The following CSMD2 variants were observed in gnomAD, a reference collection of about 807,000 sequenced individuals.
CSMD2 encodes CUB and sushi domain-containing protein 2.
A neutral mutation model predicts 398.5 loss-of-function variants in CSMD2; 130 were observed. The ratio of observed to expected loss-of-function variants is 0.33; its 90% CI spans 0.28 to 0.38. The LOEUF (loss-of-function observed/expected upper bound fraction) is 0.38, where lower values mean the gene tolerates loss of function less well. Ranked by LOEUF, CSMD2 falls within the 10% of genes least tolerant of loss-of-function variation. The probability of loss-of-function intolerance (pLI) is 1.00; values close to 1 mark genes in which losing one functional copy is unlikely to be tolerated. For synonymous variants in CSMD2, 1,828 were observed against 1,908.5 expected (o/e 0.96, Z 1.10); for missense variants, 3,829 against 4,764.9 (o/e 0.80, Z 5.78).
rs1645501579 is a variant in CSMD2, at chr1:33,964,839, T to C, written c.518-28885A>G. 2.6e-5 allele frequency among the ~76,000 whole-genome samples: 4 copies of C among 152,234 alleles called. No individual in the cohort carries two copies. In the South Asian group the frequency reaches 8.3e-4, roughly 31 times the overall value. ...CCTGACTCTCCCCTTAACTATCAGC[T>C]GAGTGACTGGGGACACATCACTGGA... On this transcript the variant is annotated intron_variant, in intron 3 of 70. Transcript: ENST00000373381.
intron 3 of CSMD2, among the ~76,000 whole-genome samples, chr1:33,942,184 C>T (rs1558138407): frequency 6.6e-6 from 1 of 152,214 alleles, no homozygotes; most frequent in Non-Finnish European, 1.5e-5. Context: ...GAGCATTTAT[C>T]CAAGGCCACG....
chr1:33,704,977 T>A (rs1645728250), intron 22 of CSMD2, among the ~76,000 whole-genome samples: 1 of 151,950 alleles, frequency 6.6e-6, no homozygotes, highest in Admixed American at 6.6e-5. Flanking sequence ...TTTCACTGTA[T>A]TAACCAGGAT....
chr1:33,775,795 T>C (rs1409868972), intron 12 of CSMD2, among the ~76,000 whole-genome samples: 1 of 152,084 alleles, frequency 6.6e-6, no homozygotes, highest in African/African-American at 2.4e-5. Flanking sequence ...AAGGATGAAA[T>C]TACCCAAGGA....
At chr1:33,803,835 T>A (rs1655903854) in intron 10 of CSMD2, among the ~76,000 whole-genome samples, 1 of 152,242 alleles carries the variant, frequency 6.6e-6, no homozygotes, top group Non-Finnish European at 1.5e-5. Flanking sequence ...ATCTTCCTGC[T>A]ATTGCTTTAG....
In CSMD2 at chr1:33,810,861, C is replaced by T. The variant is rs61771030; in HGVS notation, c.1328G>A (p.Arg443His). The T allele has an allele frequency of 1.4e-5, 23 of 1,610,852 alleles. No individual in the cohort carries two copies. The Middle Eastern group carries it at 5.2e-4, about 36-fold the overall frequency. Residue 443 changes from arginine to histidine, a missense_variant, in exon 10 of 71, where the codon CGC becomes CAC. Around this residue, in one of 5 missense-constraint regions of CSMD2, gnomAD observed 2,001 missense variants for 2,567.1 expected, o/e 0.78. Coordinates refer to ENST00000373381, the MANE Select transcript of CSMD2 (RefSeq NM_001281956.2). Reference protein sequence around the residue: ...WSDHRPVCRARMCDAHLRGPS... With the variant: ...WSDHRPVCRAHMCDAHLRGPS... ...GCCTCGAAGGTGGGCATCACACATGCGGGCTGCAGAGGAGATGAAAGACAA... is the reference window on the plus strand; with the variant it reads ...GCCTCGAAGGTGGGCATCACACATGTGGGCTGCAGAGGAGATGAAAGACAA...
At position 33,716,271 on chromosome 1, in the gene CSMD2, C is replaced by A; in HGVS notation, c.3217+15G>T. The stretch of plus-strand genomic sequence containing the variant: ...ACCATGGTCTCTTCCCCTCAGGGAC[C>A]CTCATACTCTTTACCTGAGAAGGTG... On this transcript the variant is annotated intron_variant, in intron 20 of 70. Coordinates refer to ENST00000373381, the MANE Select transcript of CSMD2 (RefSeq NM_001281956.2). 1 of 1,601,814 alleles carries A rather than the reference C, an allele frequency of 6.2e-7. No individual in the cohort carries two copies. The highest frequency in any genetic ancestry group is 8.6e-7 in the Non-Finnish European group (1 of 1,169,056).
intron 2 of CSMD2, among the ~76,000 whole-genome samples, chr1:34,061,813 G>A (rs1315983311): frequency 6.6e-6 from 1 of 152,104 alleles, no homozygotes; most frequent in Non-Finnish European, 1.5e-5. Flanking sequence ...ACACACAAAG[G>A]CACAGGCTTC....
chr1:33,838,897 G>C (rs747725154), intron 6 of CSMD2: 1 of 152,720 alleles, frequency 6.5e-6, no homozygotes, highest in Non-Finnish European at 1.5e-5. Flanking sequence ...AGGCTTGGTA[G>C]AGATTAGCAA....
At chr1:34,013,557 GC>G (rs1647666786) in intron 3 of CSMD2, among the ~76,000 whole-genome samples, 1 of 152,134 alleles carries the variant, frequency 6.6e-6, no homozygotes, top group African/African-American at 2.4e-5. Flanking sequence ...GGTCTCCTTT[GC>G]CAGGGGCGGT....
At chr1:34,026,654 T>C (rs576401058) in intron 3 of CSMD2, among the ~76,000 whole-genome samples, 38 of 152,342 alleles carry the variant, frequency 2.5e-4, no homozygotes, top group Middle Eastern at 3.4e-3. Flanking sequence ...GCATTTCTGA[T>C]CTGCCCATCA....
rs1642615266 is a variant in CSMD2 at position 33,633,731 on chromosome 1, G to T, written c.5087-196C>A. ...GACACCCGGCACAGGGAGGCGGGGA[G>T]CTGGGAAGGCCGGGCTGGCCTTCAC... On this transcript the variant is annotated intron_variant, in intron 31 of 70. Transcript: ENST00000373381. The surrounding 1 kb of genome is among the most constrained non-coding windows in gnomAD (Gnocchi z 5.0). 6.6e-6 allele frequency among the ~76,000 whole-genome samples: 1 copy of T among 152,208 alleles called. No homozygotes were observed. Among genetic ancestry groups the T allele is most frequent in the African/African-American group, 2.4e-5 (1 of 41,456 alleles).
At chr1:33,795,983 T>A (rs1262771077) in intron 10 of CSMD2, among the ~76,000 whole-genome samples, 1 of 152,246 alleles carries the variant, frequency 6.6e-6, no homozygotes, top group East Asian at 1.9e-4. Flanking sequence ...TATTTCCCCC[T>A]TTGTGTGTCA....
At chr1:33,693,125 C>T in intron 24 of CSMD2, 69 bp from the exon 25 acceptor site, 1 of 1,503,272 alleles carries the variant, frequency 6.7e-7, no homozygotes, top group Non-Finnish European at 8.8e-7. Flanking sequence ...TCAGTGGCTC[C>T]TTTTGCCTGT....
intron 41 of CSMD2, among the ~76,000 whole-genome samples, chr1:33,608,291 T>C (rs1253083483): frequency 6.6e-6 from 1 of 152,198 alleles, no homozygotes; most frequent in African/African-American, 2.4e-5. Flanking sequence ...AGCGAGTGGC[T>C]GGTCCCATCA....
chr1:33,876,278 C>T (rs143261615), intron 5 of CSMD2, among the ~76,000 whole-genome samples: 1 of 152,306 alleles, frequency 6.6e-6, no homozygotes, highest in East Asian at 1.9e-4. Context: ...ATGAGGGGAA[C>T]TGGTCAAGAG....
chr1:34,027,332 A>C (rs1331481886), intron 3 of CSMD2, among the ~76,000 whole-genome samples: 1 of 152,164 alleles, frequency 6.6e-6, no homozygotes, highest in Non-Finnish European at 1.5e-5. Flanking sequence ...ATGGGATGTC[A>C]TTTTCCACCC....
chr1:33,521,470 T>A lies in CSMD2; in HGVS notation c.10590A>T (p.Gln3530His). The stretch of plus-strand genomic sequence containing the variant: ...GGGACAAGCACTAGTTACCCAGTCT[T>A]TGAAAGCCGAACTGCCCAAAGCCTT... Reference protein sequence around the residue: ...KGQGFGQFGFQRLDLRLLESD... With the variant: ...KGQGFGQFGFHRLDLRLLESD... The change falls in exon 68 of 71, where the codon CAA (glutamine) becomes CAT (histidine). Residue 3530 changes from glutamine to histidine, a missense_variant. By Grantham distance (24) the Gln-to-His change is conservative. This residue lies in a region of CSMD2 where 917 missense variants were observed against 1,199.5 expected (regional missense o/e 0.76). Coordinates refer to ENST00000373381, the MANE Select transcript of CSMD2 (RefSeq NM_001281956.2). The A allele has an allele frequency of 1.2e-6, 2 of 1,608,102 alleles. No homozygotes were observed. The highest frequency in any genetic ancestry group is 1.7e-6 in the Non-Finnish European group (2 of 1,174,542).
chr1:34,033,850 A>G (rs1650770840), intron 2 of CSMD2, among the ~76,000 whole-genome samples: 1 of 152,200 alleles, frequency 6.6e-6, no homozygotes, highest in Admixed American at 6.5e-5. Context: ...TTGTTAACAG[A>G]CACTGTGAAA....
Position 33,519,413 on chromosome 1 carries a change from G to T in CSMD2, c.*53+52C>A. ...TTGGGTGGAGCCCCTGGCACGCATA[G>T]GTCCCTGTCTGTGCTTGTCATGGCC... On this transcript the variant is annotated intron_variant, in intron 70 of 70. Coordinates refer to ENST00000373381, the MANE Select transcript of CSMD2 (RefSeq NM_001281956.2). This position sits in a 1 kb window ranked among gnomAD's most constrained non-coding sequence, Gnocchi z 5.6. 1.7e-6 allele frequency: 2 copies of T among 1,177,178 alleles called. No homozygotes were observed. The highest frequency in any genetic ancestry group is 2.5e-6 in the Non-Finnish European group (2 of 810,520). The allele number at this position is 1,177,178 out of a possible 1,614,324, so 72.9% of individuals were successfully genotyped here.
Sources: gnomAD v4.1 joint callset for allele counts (sites outside exome capture counted in the v4.1 genomes callset) on GRCh38, gnomAD v4.1.1 for gene constraint, gnomAD v4.1.1 regional missense constraint, Gnocchi (gnomAD v3.1) non-coding constraint, MANE v1.5 for transcripts, NCBI Gene and HGNC (gene_info 2026-07-23, HGNC 2026-07-21) for gene names.